ERCC6L2: variants seen among roughly 807,000 people sequenced by gnomAD.
ERCC6L2 encodes the protein ERCC excision repair 6 like 2, also known as DNA excision repair protein ERCC-6-like 2.
A neutral mutation model predicts 132.0 loss-of-function variants in ERCC6L2; 77 were observed. The ratio of observed to expected loss-of-function variants is 0.58; its 90% CI spans 0.49 to 0.71. ERCC6L2 has a LOEUF of 0.71. Among genes scored for constraint, ERCC6L2 ranks in the 30% least tolerant of loss-of-function variants. The pLI is 0.00. For missense variants in ERCC6L2, 1,542 were observed against 1,837.6 expected (o/e 0.84, Z 2.94); for synonymous variants, 583 against 632.4 (o/e 0.92, Z 1.17).
At chr9:95,973,744 T>C (rs1242859138) in intron 16 of ERCC6L2, among the ~76,000 whole-genome samples, 1 of 152,168 alleles carries the variant, frequency 6.6e-6, no homozygotes, top group Non-Finnish European at 1.5e-5. Flanking sequence ...CAGGATGAGA[T>C]TTGAGTGGGG....
intron 17 of ERCC6L2, among the ~76,000 whole-genome samples, chr9:95,998,178 G>A (rs752233295): frequency 6.6e-6 from 1 of 151,978 alleles, no homozygotes; most frequent in Non-Finnish European, 1.5e-5. Context: ...ATGCTCAAAT[G>A]TGCAAATACA....
At chr9:95,955,591 T>C (rs1831560282) in intron 12 of ERCC6L2, among the ~76,000 whole-genome samples, 1 of 151,618 alleles carries the variant, frequency 6.6e-6, no homozygotes, top group South Asian at 2.1e-4. Flanking sequence ...AATGAAATCT[T>C]TGGGGAACAA....
intron 6 of ERCC6L2, chr9:95,918,656 CA>C: frequency 5.0e-6 from 1 of 198,564 alleles, no homozygotes; most frequent in Non-Finnish European, 1.1e-5. Context: ...GCCTAAGAGC[CA>C]AAGAGGTGGT....
intron 4 of ERCC6L2, among the ~76,000 whole-genome samples, chr9:95,907,857 C>CAAACACACACACACACACACACACACACA: frequency 1.5e-5 from 2 of 133,740 alleles, no homozygotes; most frequent in African/African-American, 5.6e-5. Context: ...ACACACACAC[C>CAAACACACACACACACACACACACACACA]CCCACACCCA....
rs201014094 is a variant in ERCC6L2, at chr9:96,029,303, C to CAAA, written c.*1504-9555_*1504-9553dup. On this transcript the variant is annotated intron_variant and NMD_transcript_variant, in intron 19 of 20. Transcript: ENST00000670016. Reference sequence around the variant, plus strand: ...TGGGTGACAGAGCAAGACTCCGTCTCAAAAAAAAAAAAAAAAAAAACAAAA... The same window carrying CAAA: ...TGGGTGACAGAGCAAGACTCCGTCTCAAAAAAAAAAAAAAAAAAAAAAACAAAA... Among the ~76,000 whole-genome samples, 553 of 81,656 alleles carry CAAA rather than the reference C, an allele frequency of 6.8e-3. 8 individuals are homozygous for CAAA. Among genetic ancestry groups the CAAA allele is most frequent in the Non-Finnish European group, 9.1e-3 (363 of 39,712 alleles). The allele number at this position is 81,656 out of a possible 152,430, so 53.6% of individuals were successfully genotyped here. A position where few individuals can be genotyped will look rare whatever the true frequency, so the allele number is the denominator to read the frequency against.
chr9:95,960,717 A>T (rs972471429), intron 13 of ERCC6L2, among the ~76,000 whole-genome samples: 1 of 152,136 alleles, frequency 6.6e-6, no homozygotes, highest in Non-Finnish European at 1.5e-5. Context: ...TGGCTCCCAG[A>T]ACTGTGAGAG....
chr9:95,882,168 C>T (rs1467243913), intron 2 of ERCC6L2, among the ~76,000 whole-genome samples: 3 of 152,132 alleles, frequency 2.0e-5, no homozygotes, highest in African/African-American at 7.2e-5. Flanking sequence ...AAAAGGAGAG[C>T]AAGTAGGAGG....
Position 95,876,026 on chromosome 9 carries a change from T to TC in ERCC6L2, c.-8dup. The TC allele has an allele frequency of 6.3e-7, 1 of 1,585,248 alleles. No individual in the cohort carries two copies. Among genetic ancestry groups the TC allele is most frequent in the Non-Finnish European group, 8.6e-7 (1 of 1,166,652 alleles). On this transcript the variant is annotated 5_prime_UTR_variant, in exon 1 of 19. Transcript: ENST00000653738. ...GTTACATGCAGCCGGGCTCGGCCCC[T>TC]CCCCCTGGCCGGATGGATCCGTCGG...
intron 14 of ERCC6L2, chr9:95,967,818 C>T (rs1253110314): frequency 1.3e-5 from 2 of 152,154 alleles, no homozygotes; most frequent in Non-Finnish European, 2.9e-5. Flanking sequence ...TTTCCAGTTT[C>T]CCTTTTCATA....
chr9:95,883,984 G>A (rs1564192082), intron 2 of ERCC6L2, among the ~76,000 whole-genome samples: 1 of 152,286 alleles, frequency 6.6e-6, no homozygotes, highest in Non-Finnish European at 1.5e-5. Context: ...CAAATTTGAA[G>A]GCTGTCTTTC....
chr9:95,951,845 G>C (rs1831346345), intron 12 of ERCC6L2, among the ~76,000 whole-genome samples: 1 of 152,084 alleles, frequency 6.6e-6, no homozygotes, highest in Non-Finnish European at 1.5e-5. Context: ...TTAAGGCTTT[G>C]CTGATTAATT....
chr9:95,972,341 T>C lies in ERCC6L2; in HGVS notation c.2590T>C (p.Tyr864His). 1.6e-6 allele frequency: 2 copies of C among 1,288,966 alleles called. No individual in the cohort carries two copies. Among genetic ancestry groups the C allele is most frequent in the Non-Finnish European group, 2.0e-6 (2 of 985,282 alleles). The allele number at this position is 1,288,966 out of a possible 1,614,324, so 79.8% of individuals were successfully genotyped here. A position where few individuals can be genotyped will look rare whatever the true frequency, so the allele number is the denominator to read the frequency against. ...AAATCCAAAAGAAAAGCATATTTTT[T>C]ATAAAAGTGAGAAGATTTTAGAACA... Reference protein sequence around the residue: ...ILNPKEKHIFYKSEKILEQNI... With the variant: ...ILNPKEKHIFHKSEKILEQNI... Residue 864 changes from tyrosine (Y) to histidine (H), a missense_variant, in exon 16 of 19, where the codon TAT becomes CAT. Transcript: ENST00000653738.
chr9:95,969,413 G>A (rs949045102), intron 14 of ERCC6L2, among the ~76,000 whole-genome samples: 2 of 152,146 alleles, frequency 1.3e-5, no homozygotes, highest in Non-Finnish European at 2.9e-5. Context: ...TGATTGTGGT[G>A]GGTGGCATGA....
intron 17 of ERCC6L2, among the ~76,000 whole-genome samples, chr9:95,994,335 G>A (rs1030582068): frequency 6.6e-6 from 1 of 152,180 alleles, no homozygotes; most frequent in Non-Finnish European, 1.5e-5. Context: ...TAGCTTCTCA[G>A]TGGGTCAGAG....
At chr9:95,950,173 G>T (rs1831265912) in intron 12 of ERCC6L2, among the ~76,000 whole-genome samples, 1 of 152,042 alleles carries the variant, frequency 6.6e-6, no homozygotes, top group African/African-American at 2.4e-5. Flanking sequence ...TTATAACTCT[G>T]CTTTTTTATT....
intron 2 of ERCC6L2, among the ~76,000 whole-genome samples, chr9:95,890,077 C>G (rs538179476): frequency 1.3e-5 from 2 of 152,294 alleles, no homozygotes; most frequent in South Asian, 4.1e-4. Context: ...CATCTCCTAA[C>G]TACCTCTTCC....
chr9:95,878,832 G>A (rs1405658784), intron 1 of ERCC6L2, among the ~76,000 whole-genome samples: 1 of 151,604 alleles, frequency 6.6e-6, no homozygotes. Flanking sequence ...CAAAGGACAT[G>A]AACTCATCAT....
intron 15 of ERCC6L2, 50 bp from the exon 16 acceptor site, chr9:95,971,883 A>T: frequency 8.5e-7 from 1 of 1,182,930 alleles, no homozygotes; most frequent in South Asian, 1.5e-5. Flanking sequence ...AGTTGATTCC[A>T]CATTATATCT....
chr9:95,976,794 G>T (rs1186766412), intron 16 of ERCC6L2, among the ~76,000 whole-genome samples: 4 of 152,142 alleles, frequency 2.6e-5, no homozygotes, highest in African/African-American at 9.7e-5. Context: ...AGTTAGCATT[G>T]CCTTCACAAG....
Sources: allele counts gnomAD v4.1 joint callset (sites outside exome capture counted in the v4.1 genomes callset), GRCh38; gene constraint gnomAD v4.1.1; transcripts MANE v1.5; gene names NCBI Gene and HGNC (gene_info 2026-07-23, HGNC 2026-07-21).